The following BANF2 variants were observed in gnomAD, a reference collection of about 807,000 sequenced individuals.
BANF2 encodes BANF family member 2.
A neutral mutation model predicts 8.0 loss-of-function variants in BANF2; 4 were observed. That is an observed-to-expected ratio of 0.50 (90% confidence interval 0.25 to 1.14). The LOEUF (loss-of-function observed/expected upper bound fraction) is 1.14, where lower values mean the gene tolerates loss of function less well. BANF2 is among the 50% of genes most tolerant of loss of function. BANF2 has a pLI of 0.16. For synonymous variants in BANF2, 50 were observed against 40.6 expected (o/e 1.23, Z -0.88); for missense variants, 96 against 107.5 (o/e 0.89, Z 0.47).
chr20:17,731,392 G>A (rs1343633221), intron 3 of BANF2: 2 of 152,218 alleles, frequency 1.3e-5, no homozygotes, highest in Non-Finnish European at 2.9e-5. Flanking sequence ...GGTGATTGAA[G>A]TCCGTTCAGC....
chr20:17,708,078 T>G (rs2037512878), intron 1 of BANF2, among the ~76,000 whole-genome samples: 1 of 145,374 alleles, frequency 6.9e-6, no homozygotes, highest in East Asian at 2.1e-4. Context: ...CCAAAAAGAA[T>G]TAGCCAGGTG....
At chr20:17,707,382 C>CAAAAAAAAA (rs374719840) in intron 1 of BANF2, among the ~76,000 whole-genome samples, 5 of 142,324 alleles carry the variant, frequency 3.5e-5, no homozygotes, top group Non-Finnish European at 6.1e-5. Flanking sequence ...GACTCTGTGT[C>CAAAAAAAAA]AAAAAAAAGA....
intron 1 of BANF2, among the ~76,000 whole-genome samples, chr20:17,710,797 C>T (rs1397078306): frequency 1.3e-5 from 2 of 152,184 alleles, no homozygotes; most frequent in Non-Finnish European, 2.9e-5. Context: ...GAATAACTGG[C>T]CGGCCTAACG....
At chr20:17,699,520 G>T (rs1178522257), upstream of BANF2, among the ~76,000 whole-genome samples, 1 of 152,194 alleles carries the variant, frequency 6.6e-6, no homozygotes, top group African/African-American at 2.4e-5. Flanking sequence ...TAGGGGGAAA[G>T]TCACGGGTAT....
At chr20:17,728,506 A>G (rs2037844055) in intron 3 of BANF2, among the ~76,000 whole-genome samples, 2 of 151,724 alleles carry the variant, frequency 1.3e-5, no homozygotes, top group Admixed American at 1.3e-4. Context: ...CAGCCCCTAC[A>G]TTGAGTACCT....
At chr20:17,714,245 G>A (rs1263938005) in intron 1 of BANF2, among the ~76,000 whole-genome samples, 1 of 149,582 alleles carries the variant, frequency 6.7e-6, no homozygotes, top group Non-Finnish European at 1.5e-5. Context: ...AGAATAAAAG[G>A]TGAAAAAAAA....
At chr20:17,713,352 C>T (rs1287997100) in intron 1 of BANF2, among the ~76,000 whole-genome samples, 1 of 152,090 alleles carries the variant, frequency 6.6e-6, no homozygotes, top group African/African-American at 2.4e-5. Flanking sequence ...AAGACAACCC[C>T]TGTGTGATTC....
At chr20:17,732,985 C>A (rs1298944031) in intron 3 of BANF2, among the ~76,000 whole-genome samples, 1 of 152,202 alleles carries the variant, frequency 6.6e-6, no homozygotes, top group Non-Finnish European at 1.5e-5. Flanking sequence ...GGGAAGCCAA[C>A]TTTCCCTCCT....
Position 17,712,047 on chromosome 20 carries a change from G to C in BANF2, c.-166-10669G>C, listed in dbSNP as rs115774380. The C allele has an allele frequency of 7.9e-3, 1,209 of 152,760 alleles. 13 individuals are homozygous for C. The highest frequency in any genetic ancestry group is 0.027 in the African/African-American group (1,129 of 41,578). 9.5% of individuals were successfully genotyped at this position (152,760 alleles called of 1,614,324 possible). A position where few individuals can be genotyped will look rare whatever the true frequency, so the allele number is the denominator to read the frequency against. ...TGTGTCTTCAAGGCAGTGGGGAGAG[G>C]GGACTTTGAATACCCACGGAATCTG... On this transcript the variant is annotated intron_variant, in intron 1 of 3. Transcript: ENST00000246090.
chr20:17,722,216 A>G (rs891832731), intron 1 of BANF2, among the ~76,000 whole-genome samples: 45 of 152,258 alleles, frequency 3.0e-4, no homozygotes, highest in African/African-American at 1.0e-3. Context: ...GCAAGGATCA[A>G]AGTGAGCTCA....
At chr20:17,713,256 AG>A (rs557617851) in intron 1 of BANF2, among the ~76,000 whole-genome samples, 43 of 152,144 alleles carry the variant, frequency 2.8e-4, no homozygotes, top group Non-Finnish European at 5.3e-4. Context: ...TTAAAAAGAA[AG>A]AATGAGAGAG....
intron 3 of BANF2, among the ~76,000 whole-genome samples, chr20:17,726,208 C>G (rs1219153084): frequency 6.6e-6 from 1 of 152,018 alleles, no homozygotes; most frequent in Non-Finnish European, 1.5e-5. Flanking sequence ...TTATTTGAGA[C>G]AGGGTCTCAC....
intron 1 of BANF2, among the ~76,000 whole-genome samples, chr20:17,717,244 A>C (rs2037668142): frequency 1.3e-5 from 2 of 152,056 alleles, no homozygotes; most frequent in Non-Finnish European, 2.9e-5. Context: ...GCATCCAAGG[A>C]ACAACCCTGG....
chr20:17,701,254 C>T (rs74810963), intron 1 of BANF2, among the ~76,000 whole-genome samples: 3,938 of 152,258 alleles, frequency 0.026, 180 homozygotes, highest in African/African-American at 0.088. Context: ...CCCCGTCCTG[C>T]AGCAGGTTTA....
intron 1 of BANF2, 115 bp downstream of exon 1, chr20:17,700,170 CAGG>C (rs1191843440): frequency 2.9e-5 from 7 of 241,378 alleles, no homozygotes; most frequent in Non-Finnish European, 4.7e-5. Context: ...AACCGGTGGA[CAGG>C]AGTTCACCAG....
At chr20:17,727,547 C>T (rs2037825897) in intron 3 of BANF2, among the ~76,000 whole-genome samples, 1 of 152,018 alleles carries the variant, frequency 6.6e-6, no homozygotes, top group Admixed American at 6.5e-5. Context: ...GTCTGGAGTC[C>T]GGCTGGGCCT....
intron 1 of BANF2, among the ~76,000 whole-genome samples, chr20:17,694,604 T>TTTTTTTTTTTTTTTC (rs2037329502): frequency 3.2e-5 from 1 of 31,142 alleles, no homozygotes; most frequent in African/African-American, 7.2e-5. Flanking sequence ...TCTCTCTCTT[T>TTTTTTTTTTTTTTTC]TTTTTTTTTT....
intron 1 of BANF2, among the ~76,000 whole-genome samples, chr20:17,717,134 C>G (rs1005607457): frequency 6.6e-6 from 1 of 152,136 alleles, no homozygotes; most frequent in African/African-American, 2.4e-5. Context: ...TGACAGTATT[C>G]CCTCAGATTC....
intron 3 of BANF2, among the ~76,000 whole-genome samples, chr20:17,733,350 C>T (rs775108940): frequency 1.3e-5 from 2 of 152,192 alleles, no homozygotes; most frequent in Non-Finnish European, 2.9e-5. Flanking sequence ...TGGATTAAAA[C>T]GTGTCAGGTG....
Sources: allele counts gnomAD v4.1 joint callset (sites outside exome capture counted in the v4.1 genomes callset), GRCh38; gene constraint gnomAD v4.1.1; transcripts MANE v1.5; gene names NCBI Gene and HGNC (gene_info 2026-07-23, HGNC 2026-07-21).